Variants in MTMR9 observed in about 807,000 individuals in gnomAD.
MTMR9 encodes myotubularin related protein 9, also known as myotubularin-related protein 9.
MTMR9 carries 39 observed loss-of-function variants against 69.5 expected under a neutral mutation model. The ratio of observed to expected loss-of-function variants is 0.56; its 90% CI spans 0.43 to 0.73. The LOEUF is 0.73. MTMR9 is among the 30% of genes least tolerant of loss of function. The pLI is 0.00. For synonymous variants in MTMR9, 354 were observed against 240.8 expected, an observed-to-expected ratio of 1.47 and a Z score of -4.35; for missense variants, 900 against 671.2, an observed-to-expected ratio of 1.34 and a Z score of -3.77.
At position 11,316,713 on chromosome 8, in the gene MTMR9, A is replaced by C. The variant is rs200395697; in HGVS notation, c.1154A>C (p.Tyr385Ser). The stretch of plus-strand genomic sequence containing the variant: ...CAGCAGCGCTGTGCACAGTCAGCCT[A>C]CTGTAACACCAAGCAGAAGTGGGAG... ...PFQQRCAQSA[Y>S]CNTKQKWEAP... Residue 385 changes from tyrosine to serine, a missense_variant, in exon 8 of 10, where the codon TAC becomes TCC. Physicochemically the swap from Tyr to Ser is moderately radical, Grantham distance 144. Transcript: ENST00000221086. 6.2e-7 allele frequency: 1 copy of C among 1,613,238 alleles called. No individual in the cohort carries two copies. Among genetic ancestry groups the C allele is most frequent in the Non-Finnish European group, 8.5e-7 (1 of 1,179,646 alleles).
At chr8:11,289,185 C>A (rs188408673) in intron 1 of MTMR9, among the ~76,000 whole-genome samples, 10 of 152,040 alleles carry the variant, frequency 6.6e-5, no homozygotes, top group Non-Finnish European at 1.5e-4. Context: ...AACAAACAAA[C>A]AAACAAACAA....
chr8:11,307,529 C>T (rs1219203916), intron 5 of MTMR9, among the ~76,000 whole-genome samples: 1 of 152,178 alleles, frequency 6.6e-6, no homozygotes, highest in Non-Finnish European at 1.5e-5. Flanking sequence ...CTTTGAGATC[C>T]TGATTTCGTT....
At chr8:11,332,321 A>T (rs1335245356), downstream of MTMR9, 3 of 889,974 alleles carry the variant, frequency 3.4e-6, no homozygotes, top group Non-Finnish European at 4.7e-6. Flanking sequence ...ACAAATGAGA[A>T]ATCTGGCTTA....
downstream of MTMR9, among the ~76,000 whole-genome samples, chr8:11,329,317 C>T (rs889845034): frequency 2.0e-5 from 3 of 152,196 alleles, no homozygotes; most frequent in African/African-American, 7.2e-5. Context: ...CACTTGAGCC[C>T]AGGAGTTCCC....
In MTMR9 at chr8:11,310,008, A is replaced by T. The variant is rs74302403; in HGVS notation, c.971+320A>T. 2.4e-4 allele frequency among the ~76,000 whole-genome samples: 36 copies of T among 152,332 alleles called. No individual in the cohort carries two copies. In the East Asian group the frequency reaches 6.9e-3, roughly 29 times the overall value. Reference sequence around the variant, plus strand: ...TTTTTTTCTTAAACTGTGAAATAGAATGAAAGGAAGTTTTCTTATTTTTTC... The same window carrying T: ...TTTTTTTCTTAAACTGTGAAATAGATTGAAAGGAAGTTTTCTTATTTTTTC... On this transcript the variant is annotated intron_variant, in intron 6 of 9. Transcript: ENST00000221086.
At chr8:11,330,436 G>C (rs1585148726), downstream of MTMR9, among the ~76,000 whole-genome samples, 1 of 152,270 alleles carries the variant, frequency 6.6e-6, no homozygotes, top group Non-Finnish European at 1.5e-5. Flanking sequence ...AGCTCATTGA[G>C]AACGGGCCAT....
rs770884709 is a variant in MTMR9 at position 11,300,042 on chromosome 8, C to G, written c.311C>G (p.Ser104Cys). ...SSIEALSTLDSITLMYPFFYR... is the reference protein window; with the variant it reads ...SSIEALSTLDCITLMYPFFYR... ...CCCCAGGCATTGTCTACTCTGGACT[C>G]CATCACTCTGATGTACCCTTTCTTT... Residue 104 changes from serine to cysteine, a missense_variant, in exon 3 of 10, where the codon TCC becomes TGC. Physicochemically the swap from Ser to Cys is moderately radical, Grantham distance 112. Transcript: ENST00000221086. The G allele has an allele frequency of 3.1e-6, 5 of 1,613,360 alleles. No homozygotes were observed. The highest frequency in any genetic ancestry group is 3.3e-5 in the Admixed American group (2 of 59,990).
Position 11,316,669 on chromosome 8 carries a change from C to G in MTMR9, c.1114-4C>G. On this transcript the variant is annotated splice_region_variant and splice_polypyrimidine_tract_variant and intron_variant, in intron 7 of 9. Transcript: ENST00000221086. ...TGACTGTCACGCCTCCATCTTCCCC[C>G]TAGGCTGGTCACCCATTCCAGCAGC... The G allele has an allele frequency of 6.3e-7, 1 of 1,590,352 alleles. No homozygotes were observed.
At chr8:11,300,465 A>T (rs1388426022) in intron 3 of MTMR9, 1 of 173,934 alleles carries the variant, frequency 5.7e-6, no homozygotes, top group East Asian at 1.7e-4. Flanking sequence ...TATGTAACAT[A>T]TTGAAATTTG....
chr8:11,330,439 C>A (rs577953057), downstream of MTMR9, among the ~76,000 whole-genome samples: 1 of 152,282 alleles, frequency 6.6e-6, no homozygotes, highest in East Asian at 1.9e-4. Flanking sequence ...TCATTGAGAA[C>A]GGGCCATGAT....
At chr8:11,301,835 A>C (rs1468919836) in intron 3 of MTMR9, among the ~76,000 whole-genome samples, 1 of 152,222 alleles carries the variant, frequency 6.6e-6, no homozygotes, top group Non-Finnish European at 1.5e-5. Flanking sequence ...AGTGATTTGA[A>C]ATATAGATCC....
chr8:11,329,922 G>A (rs1342152410), downstream of MTMR9, among the ~76,000 whole-genome samples: 1 of 151,788 alleles, frequency 6.6e-6, no homozygotes, highest in East Asian at 1.9e-4. Context: ...GCCTCTGCCC[G>A]GCTGCGACCC....
intron 2 of MTMR9, among the ~76,000 whole-genome samples, chr8:11,297,175 A>G (rs925147176): frequency 1.3e-5 from 2 of 152,236 alleles, no homozygotes; most frequent in African/African-American, 4.8e-5. Context: ...CTTAGCTATT[A>G]AAAATGGGTA....
intron 5 of MTMR9, among the ~76,000 whole-genome samples, 175 bp downstream of exon 5, chr8:11,306,582 C>T (rs1000077194): frequency 2.6e-5 from 4 of 151,910 alleles, no homozygotes; most frequent in Non-Finnish European, 5.9e-5. Flanking sequence ...GTTTGATTGA[C>T]AAATAAAAAT....
chr8:11,295,325 C>G (rs746239641), intron 2 of MTMR9, 23 bp downstream of exon 2: 1 of 1,249,862 alleles, frequency 8.0e-7, no homozygotes, highest in Admixed American at 1.8e-5. Flanking sequence ...GAAGCAAAAT[C>G]TAATGAAACA....
At chr8:11,335,696 T>C in the MTMR9 span, among the ~76,000 whole-genome samples, 18 of 152,198 alleles carry the variant, frequency 1.2e-4, no homozygotes, top group African/African-American at 4.1e-4. Flanking sequence ...TTGCCTAGCT[T>C]CTGGTACTTT....
At chr8:11,302,632 C>G (rs971716497) in intron 3 of MTMR9, among the ~76,000 whole-genome samples, 6 of 152,040 alleles carry the variant, frequency 3.9e-5, no homozygotes, top group Non-Finnish European at 8.8e-5. Flanking sequence ...ATAAAAAAAG[C>G]AAATCTTGTA....
At chr8:11,331,854 C>T (rs201671123), downstream of MTMR9, 119 of 1,611,910 alleles carry the variant, frequency 7.4e-5, no homozygotes, top group Non-Finnish European at 5.8e-5. Context: ...GCCCAGTGAC[C>T]TCCTGAGTTG....
At chr8:11,337,445 A>G in the MTMR9 span, among the ~76,000 whole-genome samples, 2 of 152,078 alleles carry the variant, frequency 1.3e-5, no homozygotes, top group Admixed American at 1.3e-4. Flanking sequence ...AGGGCCCTGA[A>G]TTTTTGTGGG....
Sources: gnomAD v4.1 joint callset for allele counts (sites outside exome capture counted in the v4.1 genomes callset) on GRCh38, gnomAD v4.1.1 for gene constraint, MANE v1.5 for transcripts, NCBI Gene and HGNC (gene_info 2026-07-23, HGNC 2026-07-21) for gene names.